The following CDH18 variants were observed in gnomAD, a reference collection of about 807,000 sequenced individuals.
CDH18 encodes cadherin-18.
CDH18 carries 31 observed loss-of-function variants against 67.9 expected under a neutral mutation model. The observed-to-expected ratio is 0.46, with a 90% CI of 0.34 to 0.62. CDH18 has a LOEUF of 0.62. Ranked by LOEUF, CDH18 falls within the 20% of genes least tolerant of loss-of-function variation. The pLI is 0.01. For missense variants in CDH18, 890 were observed against 975.5 expected (o/e 0.91, Z 1.17); for synonymous variants, 362 against 347.2 (o/e 1.04, Z -0.48).
chr5:19,829,525 G>A (rs761899557), intron 3 of CDH18, among the ~76,000 whole-genome samples: 10 of 152,012 alleles, frequency 6.6e-5, no homozygotes, highest in African/African-American at 9.7e-5. Context: ...AGGTATTGAC[G>A]ATGAGAATTT....
At chr5:20,536,115 AT>A (rs1466238833) in intron 1 of CDH18, among the ~76,000 whole-genome samples, 1 of 152,190 alleles carries the variant, frequency 6.6e-6, no homozygotes, top group Non-Finnish European at 1.5e-5. Flanking sequence ...GTGAATCTTT[AT>A]GAGCACAACC....
At chr5:20,419,200 C>T (rs1256972209) in intron 1 of CDH18, among the ~76,000 whole-genome samples, 2 of 152,120 alleles carry the variant, frequency 1.3e-5, no homozygotes, top group Middle Eastern at 3.4e-3. Flanking sequence ...TTTCTCTTGC[C>T]TCGGCCAGGA....
At chr5:19,707,674 T>A (rs1435955518) in intron 5 of CDH18, among the ~76,000 whole-genome samples, 1 of 152,204 alleles carries the variant, frequency 6.6e-6, no homozygotes, top group African/African-American at 2.4e-5. Flanking sequence ...ATGTAATCAC[T>A]CTATGACACA....
chr5:19,773,227 G>A (rs1451078795), intron 3 of CDH18, among the ~76,000 whole-genome samples: 1 of 152,024 alleles, frequency 6.6e-6, no homozygotes, highest in Non-Finnish European at 1.5e-5. Flanking sequence ...AAAGACAAAT[G>A]GAATATCATT....
chr5:20,246,047 C>A (rs1166768522), intron 2 of CDH18, among the ~76,000 whole-genome samples: 2 of 152,018 alleles, frequency 1.3e-5, no homozygotes, highest in African/African-American at 4.8e-5. Flanking sequence ...GAGAAGCAAG[C>A]AGTAGCATAT....
At chr5:19,894,025 T>G (rs1407802774) in intron 2 of CDH18, among the ~76,000 whole-genome samples, 1 of 152,100 alleles carries the variant, frequency 6.6e-6, no homozygotes, top group East Asian at 1.9e-4. Flanking sequence ...ATTTTAAAAA[T>G]TATTTATCTT....
At chr5:20,124,746 TC>T (rs1404262567) in intron 2 of CDH18, among the ~76,000 whole-genome samples, 1 of 152,152 alleles carries the variant, frequency 6.6e-6, no homozygotes, top group South Asian at 2.1e-4. Context: ...ATCCCAAAAA[TC>T]TAGACTATCC....
chr5:19,705,235 T>C (rs955312272), intron 5 of CDH18, among the ~76,000 whole-genome samples: 1 of 152,202 alleles, frequency 6.6e-6, no homozygotes, highest in Non-Finnish European at 1.5e-5. Flanking sequence ...TTTCTCACAC[T>C]GGTTTAATTA....
At chr5:20,044,830 T>C (rs578017871) in intron 2 of CDH18, among the ~76,000 whole-genome samples, 2 of 152,268 alleles carry the variant, frequency 1.3e-5, no homozygotes, top group South Asian at 2.1e-4. Flanking sequence ...CCCAAGGTCA[T>C]GTGTGGATAT....
intron 2 of CDH18, among the ~76,000 whole-genome samples, chr5:20,052,405 G>A (rs1179448546): frequency 6.6e-6 from 1 of 151,996 alleles, no homozygotes; most frequent in East Asian, 1.9e-4. Context: ...TCAGTAATGG[G>A]TACTAGCAGA....
intron 9 of CDH18, among the ~76,000 whole-genome samples, chr5:19,540,163 AC>A: frequency 6.6e-6 from 1 of 152,272 alleles, no homozygotes; most frequent in East Asian, 1.9e-4. Context: ...CAAAGGGGCT[AC>A]AGGTCCCATG....
At chr5:20,376,778 A>C (rs1253909941) in intron 1 of CDH18, among the ~76,000 whole-genome samples, 1 of 151,646 alleles carries the variant, frequency 6.6e-6, no homozygotes, top group Non-Finnish European at 1.5e-5. Context: ...GCACTTTGGG[A>C]GGCCGAGGCG....
intron 10 of CDH18, among the ~76,000 whole-genome samples, chr5:19,514,603 T>C (rs951309376): frequency 1.3e-5 from 2 of 152,260 alleles, no homozygotes; most frequent in African/African-American, 2.4e-5. Context: ...CCAGTGATGA[T>C]GAGCATTTTT....
intron 2 of CDH18, among the ~76,000 whole-genome samples, chr5:20,221,455 T>C (rs995449853): frequency 2.6e-5 from 4 of 152,144 alleles, no homozygotes; most frequent in Non-Finnish European, 5.9e-5. Flanking sequence ...ATAATAGTTA[T>C]CAGAGGCTAG....
intron 2 of CDH18, among the ~76,000 whole-genome samples, chr5:20,095,447 A>AAAG (rs1561786307): frequency 1.6e-4 from 18 of 111,670 alleles, no homozygotes; most frequent in Non-Finnish European, 2.5e-4. Flanking sequence ...AAGAAAGAAA[A>AAAG]GAAAGAAAGA....
At chr5:20,355,251 G>C (rs887231948) in intron 1 of CDH18, among the ~76,000 whole-genome samples, 4 of 152,166 alleles carry the variant, frequency 2.6e-5, no homozygotes. Flanking sequence ...GGGCAGTATG[G>C]CTCTCCCTAC....
rs141174731 is a variant in CDH18 at position 20,043,586 on chromosome 5, T to C, written c.-517-51572A>G. 1.4e-4 allele frequency among the ~76,000 whole-genome samples: 22 copies of C among 152,312 alleles called. No homozygotes were observed. The East Asian group carries it at 3.7e-3, about 25-fold the overall frequency. ...CTGTTTACAATATTACAAGGTGTTA[T>C]GGATATATAGAATGTGGAAGTTAAT... is the stretch of plus-strand genomic sequence containing the variant. On this transcript the variant is annotated intron_variant, in intron 2 of 14. Transcript: ENST00000507958.
rs75916858 is a variant in CDH18 at position 20,490,851 on chromosome 5, T to C, written c.-580+84611A>G. Reference sequence around the variant, plus strand: ...GAAAAAGATACAGCTTAATACCTTGTACATATTGAAAACTCAAATTTTAGC... The same window carrying C: ...GAAAAAGATACAGCTTAATACCTTGCACATATTGAAAACTCAAATTTTAGC... On this transcript the variant is annotated intron_variant, in intron 1 of 14. Transcript: ENST00000507958. Among the ~76,000 whole-genome samples, 77 of 152,298 alleles carry C rather than the reference T, an allele frequency of 5.1e-4. 2 individuals are homozygous for C. In the East Asian group the frequency reaches 0.014, roughly 27 times the overall value.
intron 1 of CDH18, among the ~76,000 whole-genome samples, chr5:20,338,367 T>C (rs893332104): frequency 6.6e-6 from 1 of 152,186 alleles, no homozygotes; most frequent in Admixed American, 6.5e-5. Flanking sequence ...AGCCAAACAT[T>C]TCAATTATTA....
Sources: allele counts gnomAD v4.1 joint callset (sites outside exome capture counted in the v4.1 genomes callset), GRCh38; gene constraint gnomAD v4.1.1; transcripts MANE v1.5; gene names NCBI Gene and HGNC (gene_info 2026-07-23, HGNC 2026-07-21).